The following MAMLD1 variants were observed in gnomAD, a reference collection of about 807,000 sequenced individuals.
MAMLD1 encodes mastermind-like domain-containing protein 1.
In MAMLD1, 14 loss-of-function variants were observed where a neutral mutation model predicts 45.0. The ratio of observed to expected loss-of-function variants is 0.31; its 90% CI spans 0.21 to 0.49. MAMLD1 has a LOEUF of 0.49. MAMLD1 is among the 20% of genes least tolerant of loss of function. The pLI, the probability that MAMLD1 is intolerant of heterozygous loss-of-function variation, is 0.99. For missense variants in MAMLD1, 543 were observed against 603.6 expected (o/e 0.90, Z 1.05); for synonymous variants, 254 against 247.8 (o/e 1.02, Z -0.24).
At chrX:150,447,219 A>G (rs376593435) in intron 2 of MAMLD1, among the ~76,000 whole-genome samples, 1 of 112,277 alleles carries the variant, frequency 8.9e-6, no homozygotes, top group East Asian at 2.8e-4. Flanking sequence ...AAAAATTCAC[A>G]TTCATTGCTT....
intron 2 of MAMLD1, among the ~76,000 whole-genome samples, chrX:150,461,538 T>A (rs1602896109): frequency 9.0e-6 from 1 of 111,505 alleles, no homozygotes; most frequent in African/African-American, 3.3e-5. Context: ...AGAAAAGGGG[T>A]GTTTTCTCGG....
At chrX:150,506,662 T>C (rs1195910027) in intron 6 of MAMLD1, among the ~76,000 whole-genome samples, 1 of 112,446 alleles carries the variant, frequency 8.9e-6, no homozygotes, top group Non-Finnish European at 1.9e-5. Context: ...AGTGGTTGAA[T>C]TGGTAATGAG....
At chrX:150,422,275 C>T (rs1402324888) in intron 1 of MAMLD1, among the ~76,000 whole-genome samples, 16 of 112,356 alleles carry the variant, frequency 1.4e-4, no homozygotes, top group East Asian at 8.4e-4. Flanking sequence ...TCTTTAAGTC[C>T]GGTCTGCTGG....
chrX:150,390,415 T>A (rs1036818944), intron 1 of MAMLD1, among the ~76,000 whole-genome samples: 21 of 112,530 alleles, frequency 1.9e-4, no homozygotes, highest in African/African-American at 5.8e-4. Context: ...TTTACTTAAA[T>A]CTATTTTAGG....
intron 5 of MAMLD1, among the ~76,000 whole-genome samples, chrX:150,500,362 T>A (rs1244360051): frequency 5.4e-5 from 6 of 111,076 alleles, no homozygotes; most frequent in Non-Finnish European, 9.4e-5. Flanking sequence ...GTACGTGACA[T>A]TATGGAACGC....
chrX:150,498,577 A>T (rs1407231408), intron 5 of MAMLD1, among the ~76,000 whole-genome samples: 10 of 112,520 alleles, frequency 8.9e-5, no homozygotes, highest in Admixed American at 8.5e-4. Flanking sequence ...TAAAAAATTT[A>T]AAAAACAAGA....
At chrX:150,431,750 CT>C (rs60380981) in intron 1 of MAMLD1, among the ~76,000 whole-genome samples, 8 of 102,761 alleles carry the variant, frequency 7.8e-5, no homozygotes, top group African/African-American at 2.5e-4. Flanking sequence ...ACATGATCTC[CT>C]TTTTTTTTTT....
upstream of MAMLD1, chrX:150,362,721 G>C (rs2031078985): frequency 9.0e-6 from 1 of 111,554 alleles, no homozygotes; most frequent in Non-Finnish European, 1.9e-5. Flanking sequence ...TCGGCGTGCG[G>C]GTTTCCCAAG....
rs57124938 is a variant in MAMLD1, at chrX:150,481,964, AAAAGAAAGAAAGAAAGAAAGAAAG to A, written c.2040+8209_2040+8232del. The stretch of plus-strand genomic sequence containing the variant: ...AAAGAAAAAAGAAAGAAAGAAAGAA[AAAAGAAAGAAAGAAAGAAAGAAAG>A]AAAGAAAGAAAGAAAGAAAGAAAGA... On this transcript the variant is annotated intron_variant, in intron 5 of 7. Transcript: ENST00000370401. Among the ~76,000 whole-genome samples, 218 of 56,571 alleles carry A rather than the reference AAAAGAAAGAAAGAAAGAAAGAAAG, an allele frequency of 3.9e-3. 2 individuals are homozygous for A. Among genetic ancestry groups the A allele is most frequent in the Middle Eastern group, 0.016 (2 of 126 alleles). 49.1% of individuals were successfully genotyped at this position (56,571 alleles called of 115,157 possible).
At chrX:150,407,530 C>T (rs1049053838) in intron 1 of MAMLD1, among the ~76,000 whole-genome samples, 3 of 112,403 alleles carry the variant, frequency 2.7e-5, no homozygotes, top group Non-Finnish European at 3.8e-5. Flanking sequence ...AGATCACCTG[C>T]TAAAGAAACA....
intron 1 of MAMLD1, among the ~76,000 whole-genome samples, chrX:150,370,023 C>A (rs1039928614): frequency 1.4e-4 from 15 of 108,119 alleles, no homozygotes; most frequent in African/African-American, 4.7e-4. Flanking sequence ...AATGTTGATA[C>A]ACATATAATG....
intron 1 of MAMLD1, among the ~76,000 whole-genome samples, chrX:150,396,871 T>C (rs1282550668): frequency 8.9e-6 from 1 of 112,293 alleles, no homozygotes; most frequent in Non-Finnish European, 1.9e-5. Context: ...GCTATGTTAT[T>C]TCCCAAGTCT....
At chrX:150,367,702 C>A (rs2124443990) in intron 1 of MAMLD1, among the ~76,000 whole-genome samples, 1 of 110,509 alleles carries the variant, frequency 9.0e-6, no homozygotes, top group African/African-American at 3.3e-5. Flanking sequence ...AATGCTGTCC[C>A]TCCCTCCTCC....
intron 1 of MAMLD1, among the ~76,000 whole-genome samples, chrX:150,436,897 G>GT (rs200518170): frequency 0.01 from 1,104 of 107,065 alleles, 13 homozygotes; most frequent in African/African-American, 0.032. Context: ...TCCTTTGCAT[G>GT]TTTTTTTTTT....
At chrX:150,478,604 T>C (rs146165461) in intron 5 of MAMLD1, among the ~76,000 whole-genome samples, 1,383 of 112,412 alleles carry the variant, frequency 0.012, 7 homozygotes, top group Middle Eastern at 0.06. Flanking sequence ...CAGAAGCCTC[T>C]AGAGGAATCT....
chrX:150,506,422 C>G (rs1056275589), intron 6 of MAMLD1, among the ~76,000 whole-genome samples: 12 of 108,972 alleles, frequency 1.1e-4, no homozygotes, highest in African/African-American at 3.7e-4. Context: ...TTCCTCCCTT[C>G]CTCCACATTC....
In MAMLD1 at chrX:150,503,505, T is replaced by C. The variant is rs1189510831; in HGVS notation, c.2272T>C (p.Cys758Arg). 9.0e-7 allele frequency: 1 copy of C among 1,117,204 alleles called. No homozygotes were observed. Among genetic ancestry groups the C allele is most frequent in the African/African-American group, 1.8e-5 (1 of 55,457 alleles). The allele number at this position is 1,117,204 out of a possible 1,213,427, so 92.1% of individuals were successfully genotyped here. A position where few individuals can be genotyped will look rare whatever the true frequency, so the allele number is the denominator to read the frequency against. The change falls in exon 6 of 8, where the codon TGC becomes CGC. Residue 758 changes from cysteine (C) to arginine (R), a missense_variant. Coordinates refer to ENST00000370401, the MANE Select transcript of MAMLD1 (RefSeq NM_005491.5). ...RQVPAPLLPS[C>R]DATARGTEIR... Reference sequence around the variant, plus strand: ...GGTGCCCGCTCCACTACTGCCTAGCTGCGACGCCACAGGTAAGTCACTTCC... The same window carrying C: ...GGTGCCCGCTCCACTACTGCCTAGCCGCGACGCCACAGGTAAGTCACTTCC...
chrX:150,403,939 GA>G (rs1406341111), intron 1 of MAMLD1, among the ~76,000 whole-genome samples: 165 of 29,951 alleles, frequency 5.5e-3, no homozygotes, highest in South Asian at 0.028. Context: ...GAGAAAGAAA[GA>G]AAAGAAAGAA....
chrX:150,470,725 C>T lies in MAMLD1; in HGVS notation c.1152C>T (p.Pro384=). The T allele has an allele frequency of 8.3e-7, 1 of 1,212,019 alleles. No homozygotes were observed. The highest frequency in any genetic ancestry group is 3.0e-5 in the East Asian group (1 of 33,852). The change falls in exon 4 of 8, where the codon CCC becomes CCT. Residue 384 remains proline, a synonymous_variant. Coordinates refer to ENST00000370401, the MANE Select transcript of MAMLD1 (RefSeq NM_005491.5). ...CGGGTAGCACTCTCCGAGGCTCTCC[C>T]AATGCCTTACTGTCAAGCATGACGT... ...TLSGSTLRGS[P]NALLSSMTSS...
Sources: gnomAD v4.1 joint callset for allele counts (sites outside exome capture counted in the v4.1 genomes callset) on GRCh38, gnomAD v4.1.1 for gene constraint, MANE v1.5 for transcripts, NCBI Gene and HGNC (gene_info 2026-07-23, HGNC 2026-07-21) for gene names.